AMPH: variants seen among roughly 807,000 people sequenced by gnomAD.
AMPH encodes the protein amphiphysin, also known as amphiphysin (Stiff-Mann syndrome with breast cancer 128kD autoantigen).
Under a neutral mutation model 99.1 loss-of-function variants are expected in AMPH, and 49 were observed. That is an observed-to-expected ratio of 0.49 (90% CI 0.39 to 0.63). The LOEUF is 0.63. Ranked by LOEUF, AMPH falls within the 20% of genes least tolerant of loss-of-function variation. AMPH has a pLI of 0.00. For synonymous variants in AMPH, 314 were observed against 317.3 expected (o/e 0.99, Z 0.11); for missense variants, 759 against 863.4 (o/e 0.88, Z 1.52).
intron 5 of AMPH, 47 bp from the exon 6 acceptor site, chr7:38,477,016 A>G: frequency 6.4e-7 from 1 of 1,569,124 alleles, no homozygotes; most frequent in Non-Finnish European, 8.8e-7. Context: ...TGGACATAAG[A>G]GTCTCCCTTT....
At chr7:38,525,277 T>TATATATATAGAGAGAGAGAG (rs1481528083) in intron 2 of AMPH, among the ~76,000 whole-genome samples, 21 of 86,650 alleles carry the variant, frequency 2.4e-4, no homozygotes, top group African/African-American at 9.9e-4. Flanking sequence ...TATATATATA[T>TATATATATAGAGAGAGAGAG]AGAGAGAGAG....
chr7:38,533,530 G>A (rs1790489804), intron 2 of AMPH, among the ~76,000 whole-genome samples: 1 of 151,968 alleles, frequency 6.6e-6, no homozygotes, highest in Non-Finnish European at 1.5e-5. Flanking sequence ...AATCCCTCTT[G>A]GTAATGAAAA....
intron 16 of AMPH, among the ~76,000 whole-genome samples, chr7:38,418,922 C>T (rs1785490803): frequency 6.6e-6 from 1 of 151,994 alleles, no homozygotes; most frequent in Non-Finnish European, 1.5e-5. Context: ...CCATTAAAAG[C>T]ACCACAGCCA....
At chr7:38,538,687 C>T (rs1439961990) in intron 1 of AMPH, among the ~76,000 whole-genome samples, 1 of 152,070 alleles carries the variant, frequency 6.6e-6, no homozygotes, top group African/African-American at 2.4e-5. Flanking sequence ...ACGACAGAAC[C>T]GGAGCTAGGA....
At chr7:38,630,730 C>T (rs1794423697) in intron 1 of AMPH, among the ~76,000 whole-genome samples, 1 of 152,204 alleles carries the variant, frequency 6.6e-6, no homozygotes, top group South Asian at 2.1e-4. Context: ...CACGATCCTA[C>T]CCTATTGGTC....
chr7:38,577,422 C>T (rs6965722), intron 1 of AMPH, among the ~76,000 whole-genome samples: 102,432 of 152,082 alleles, frequency 0.67, 34,876 homozygotes, highest in African/African-American at 0.77. Context: ...CCACCCCACT[C>T]TGAACTAGCA....
chr7:38,432,018 C>T (rs1786047946), intron 13 of AMPH, 171 bp downstream of exon 13: 1 of 715,336 alleles, frequency 1.4e-6, no homozygotes, highest in Non-Finnish European at 2.6e-6. Flanking sequence ...CCATCATCTT[C>T]CGGTTCTGAT....
intron 4 of AMPH, among the ~76,000 whole-genome samples, chr7:38,492,171 T>C (rs1302548319): frequency 1.3e-5 from 2 of 152,206 alleles, no homozygotes; most frequent in Non-Finnish European, 2.9e-5. Flanking sequence ...GGATAAAGAC[T>C]CCACTTCCCA....
chr7:38,436,221 G>A, intron 12 of AMPH, 51 bp downstream of exon 12: 1 of 1,329,890 alleles, frequency 7.5e-7, no homozygotes, highest in East Asian at 2.3e-5. Context: ...ACCACACTGA[G>A]CTTACTGAGG....
intron 16 of AMPH, 143 bp from the exon 17 acceptor site, chr7:38,418,093 A>G (rs1785450285): frequency 4.8e-6 from 4 of 836,010 alleles, no homozygotes; most frequent in Non-Finnish European, 7.2e-6. Context: ...AAAAGCCCCC[A>G]TTTGCCATCA....
Position 38,556,302 on chromosome 7 carries a change from G to A in AMPH, c.70-21291C>T, listed in dbSNP as rs77063178. 7.2e-3 allele frequency among the ~76,000 whole-genome samples: 1,103 copies of A among 152,216 alleles called. 14 individuals are homozygous for A. Among genetic ancestry groups the A allele is most frequent in the Middle Eastern group, 0.027 (8 of 294 alleles). Reference sequence around the variant, plus strand: ...AATACTAGCCGAAGCACTGATGTGAGCATTGCATAATTTTACTGTTATTAG... The same window carrying A: ...AATACTAGCCGAAGCACTGATGTGAACATTGCATAATTTTACTGTTATTAG... On this transcript the variant is annotated intron_variant, in intron 1 of 20. Coordinates refer to ENST00000356264, the MANE Select transcript of AMPH (RefSeq NM_001635.4).
intron 11 of AMPH, among the ~76,000 whole-genome samples, chr7:38,450,635 G>A (rs1343811750): frequency 6.6e-6 from 1 of 152,178 alleles, no homozygotes; most frequent in Non-Finnish European, 1.5e-5. Context: ...CATGAAGATG[G>A]GGCCTGTTTC....
At chr7:38,470,876 T>A (rs1787857228) in intron 7 of AMPH, among the ~76,000 whole-genome samples, 1 of 152,342 alleles carries the variant, frequency 6.6e-6, no homozygotes, top group East Asian at 1.9e-4. Flanking sequence ...ACATCCAAAC[T>A]ATAGTCTGAG....
intron 1 of AMPH, among the ~76,000 whole-genome samples, chr7:38,623,817 A>G (rs962180465): frequency 1.3e-5 from 2 of 152,318 alleles, no homozygotes; most frequent in Non-Finnish European, 1.5e-5. Context: ...ATCGAAAAAG[A>G]ATCCAAATGT....
intron 1 of AMPH, among the ~76,000 whole-genome samples, chr7:38,614,102 G>C (rs987234833): frequency 6.6e-6 from 1 of 152,154 alleles, no homozygotes; most frequent in African/African-American, 2.4e-5. Context: ...AGTTTTCTAT[G>C]CACCTTCTGC....
chr7:38,527,686 G>A (rs1288798959), intron 2 of AMPH, among the ~76,000 whole-genome samples: 1 of 152,158 alleles, frequency 6.6e-6, no homozygotes, highest in African/African-American at 2.4e-5. Context: ...GTCATCTGCA[G>A]ACAAAATGAG....
At chr7:38,620,388 G>A (rs1012785560) in intron 1 of AMPH, among the ~76,000 whole-genome samples, 2 of 148,608 alleles carry the variant, frequency 1.3e-5, no homozygotes, top group South Asian at 2.2e-4. Context: ...TAAAGAAGCA[G>A]GATGTCTTAC....
Position 38,392,483 on chromosome 7 carries a change from T to C in AMPH, c.1609-466A>G, listed in dbSNP as rs187838323. 2.0e-3 allele frequency: 287 copies of C among 145,878 alleles called. 1 individual carries two copies. Among genetic ancestry groups the C allele is most frequent in the African/African-American group, 7.1e-3 (270 of 38,292 alleles). The allele number at this position is 145,878 out of a possible 1,614,324, so 9.0% of individuals were successfully genotyped here. On this transcript the variant is annotated intron_variant, in intron 18 of 20. Coordinates refer to ENST00000356264, the MANE Select transcript of AMPH (RefSeq NM_001635.4). ...CCCACTGCAAACTCTGCCTCCCGGGTTGACGCCATTCTCCTGCCTCAGCCT... is the reference window on the plus strand; with the variant it reads ...CCCACTGCAAACTCTGCCTCCCGGGCTGACGCCATTCTCCTGCCTCAGCCT...
intron 17 of AMPH, among the ~76,000 whole-genome samples, chr7:38,410,366 C>T (rs939966903): frequency 6.6e-6 from 1 of 152,178 alleles, no homozygotes; most frequent in Non-Finnish European, 1.5e-5. Context: ...TGGGACCCAA[C>T]CCAGATGGCA....
Sources: allele counts gnomAD v4.1 joint callset (sites outside exome capture counted in the v4.1 genomes callset), GRCh38; gene constraint gnomAD v4.1.1; transcripts MANE v1.5; gene names NCBI Gene and HGNC (gene_info 2026-07-23, HGNC 2026-07-21).